TMEM135: variants seen among roughly 807,000 people sequenced by gnomAD.
TMEM135 encodes the protein peroxisomal membrane protein 52.
TMEM135 carries 30 observed loss-of-function variants against 60.3 expected under a neutral mutation model. The ratio of observed to expected loss-of-function variants is 0.50; its 90% CI spans 0.37 to 0.68. The LOEUF (loss-of-function observed/expected upper bound fraction) is 0.68. Ranked by LOEUF, TMEM135 falls within the 30% of genes least tolerant of loss-of-function variation. The probability of loss-of-function intolerance (pLI) is 0.00; values close to 1 mark genes in which losing one functional copy is unlikely to be tolerated. For synonymous variants in TMEM135, 190 were observed against 186.7 expected (o/e 1.02, Z -0.14); for missense variants, 468 against 548.8 (o/e 0.85, Z 1.47).
chr11:87,267,062 G>T (rs1172704553), intron 6 of TMEM135, among the ~76,000 whole-genome samples: 1 of 152,132 alleles, frequency 6.6e-6, no homozygotes, highest in Admixed American at 6.5e-5. Context: ...TGGATAAGGA[G>T]GATAGTGAGA....
At chr11:87,223,725 CTG>C (rs138231465) in intron 5 of TMEM135, among the ~76,000 whole-genome samples, 9,397 of 151,304 alleles carry the variant, frequency 0.062, 385 homozygotes, top group South Asian at 0.12. Flanking sequence ...TTGTGTATGC[CTG>C]TGATTCCAGC....
intron 5 of TMEM135, among the ~76,000 whole-genome samples, chr11:87,190,206 C>T (rs1939764686): frequency 6.6e-6 from 1 of 152,174 alleles, no homozygotes; most frequent in South Asian, 2.1e-4. Flanking sequence ...TCTTACTACT[C>T]CCTGATAAAC....
At chr11:87,218,227 G>A (rs895952277) in intron 5 of TMEM135, among the ~76,000 whole-genome samples, 3 of 152,018 alleles carry the variant, frequency 2.0e-5, no homozygotes, top group African/African-American at 7.2e-5. Flanking sequence ...AATCTCACTA[G>A]TGTCAGTGTT....
chr11:87,323,086 G>GATGTT lies in TMEM135; in HGVS notation c.*1754_*1758dup. 4.4e-6 allele frequency: 2 copies of GATGTT among 453,798 alleles called. No individual in the cohort carries two copies. 28.1% of individuals were successfully genotyped at this position (453,798 alleles called of 1,614,324 possible). A position where few individuals can be genotyped will look rare whatever the true frequency, so the allele number is the denominator to read the frequency against. ...TATATTTTCCTGTCAGGTTTAAAAA[G>GATGTT]ATGTTTTAATTCATAAATTATTGTT... is the stretch of plus-strand genomic sequence containing the variant. On this transcript the variant is annotated 3_prime_UTR_variant, in exon 15 of 15. Transcript: ENST00000305494.
intron 5 of TMEM135, among the ~76,000 whole-genome samples, chr11:87,197,057 A>C (rs1939976885): frequency 6.6e-6 from 1 of 152,116 alleles, no homozygotes; most frequent in African/African-American, 2.4e-5. Context: ...AAGGAAATTC[A>C]GATGTAGGCT....
intron 5 of TMEM135, among the ~76,000 whole-genome samples, chr11:87,230,598 A>G (rs1048023853): frequency 3.3e-5 from 5 of 152,128 alleles, no homozygotes; most frequent in Non-Finnish European, 5.9e-5. Flanking sequence ...GTCAATTTAC[A>G]CATGAAAGTG....
At chr11:87,260,496 T>A (rs1240670032) in intron 6 of TMEM135, among the ~76,000 whole-genome samples, 2 of 151,908 alleles carry the variant, frequency 1.3e-5, no homozygotes, top group Non-Finnish European at 2.9e-5. Context: ...TCTATAATCA[T>A]TAAAATTCCG....
chr11:87,116,644 CACAGACACACACAT>C (rs1857890293), intron 4 of TMEM135, among the ~76,000 whole-genome samples: 1 of 43,128 alleles, frequency 2.3e-5, no homozygotes, highest in African/African-American at 7.6e-5. Context: ...CACACACACA[CACAGACACACACAT>C]ACATATAGTA....
chr11:87,094,879 T>C (rs955176521), intron 4 of TMEM135: 23 of 158,414 alleles, frequency 1.5e-4, no homozygotes, highest in Admixed American at 4.4e-4. Context: ...TCCATTCTTA[T>C]AGTTAGTGAT....
chr11:87,245,327 G>T (rs1386631113), intron 6 of TMEM135, among the ~76,000 whole-genome samples: 2 of 131,680 alleles, frequency 1.5e-5, no homozygotes, highest in African/African-American at 5.9e-5. Flanking sequence ...TATATATTCT[G>T]TTGATTTGGG....
chr11:87,084,045 C>T (rs895001930), intron 3 of TMEM135, among the ~76,000 whole-genome samples: 2 of 151,908 alleles, frequency 1.3e-5, no homozygotes, highest in African/African-American at 4.8e-5. Flanking sequence ...CCCCAGCGGC[C>T]TCTTGTGAAG....
chr11:87,124,135 T>A (rs1937654381), intron 4 of TMEM135, among the ~76,000 whole-genome samples: 1 of 152,194 alleles, frequency 6.6e-6, no homozygotes, highest in Non-Finnish European at 1.5e-5. Context: ...ATGTTTCACG[T>A]CTAATTTAGT....
chr11:87,110,983 T>C (rs1251625227), intron 4 of TMEM135, among the ~76,000 whole-genome samples: 2 of 152,216 alleles, frequency 1.3e-5, no homozygotes, highest in African/African-American at 4.8e-5. Flanking sequence ...CTGCCATAGA[T>C]GCCTTATGTA....
At chr11:87,084,654 C>T (rs535730244) in intron 3 of TMEM135, among the ~76,000 whole-genome samples, 1 of 152,202 alleles carries the variant, frequency 6.6e-6, no homozygotes, top group Admixed American at 6.5e-5. Flanking sequence ...AAGTTGTATG[C>T]CGCAACTTTG....
chr11:87,300,329 A>C (rs1031674609), intron 7 of TMEM135, among the ~76,000 whole-genome samples: 3 of 152,238 alleles, frequency 2.0e-5, no homozygotes, highest in Non-Finnish European at 4.4e-5. Flanking sequence ...TAGTGTCAAG[A>C]ACACAACCAC....
chr11:87,222,205 A>AAAAG (rs869249816), intron 5 of TMEM135, among the ~76,000 whole-genome samples: 1 of 145,214 alleles, frequency 6.9e-6, no homozygotes, highest in Non-Finnish European at 1.5e-5. Flanking sequence ...AAAAAAAAAA[A>AAAAG]TTATTGCTGG....
intron 1 of TMEM135, among the ~76,000 whole-genome samples, chr11:87,067,444 T>A (rs1296285782): frequency 6.6e-6 from 1 of 152,078 alleles, no homozygotes; most frequent in African/African-American, 2.4e-5. Flanking sequence ...TACAAATATT[T>A]ACCTCAATGT....
chr11:87,125,452 C>T (rs1412320918), intron 4 of TMEM135, among the ~76,000 whole-genome samples: 1 of 152,122 alleles, frequency 6.6e-6, no homozygotes, highest in African/African-American at 2.4e-5. Context: ...GTTAATACAT[C>T]TTGAGAAAAT....
chr11:87,271,411 C>G (rs991380216), intron 6 of TMEM135, among the ~76,000 whole-genome samples: 4 of 152,250 alleles, frequency 2.6e-5, no homozygotes, highest in Admixed American at 1.3e-4. Flanking sequence ...GCTGCAGTTA[C>G]TTTCGTGATT....
Sources: gnomAD v4.1 joint callset for allele counts (sites outside exome capture counted in the v4.1 genomes callset) on GRCh38, gnomAD v4.1.1 for gene constraint, MANE v1.5 for transcripts, NCBI Gene and HGNC (gene_info 2026-07-23, HGNC 2026-07-21) for gene names.